Variants in SLC39A11 observed in about 807,000 individuals in gnomAD.
The protein encoded by SLC39A11 is zinc transporter ZIP11.
Under a neutral mutation model 36.1 loss-of-function variants are expected in SLC39A11, and 33 were observed. The observed-to-expected ratio is 0.91, with a 90% CI of 0.69 to 1.22. The LOEUF (loss-of-function observed/expected upper bound fraction) is 1.22. Among genes scored for constraint, SLC39A11 ranks in the 50% most tolerant of loss-of-function variants. The pLI is 0.00. For missense variants in SLC39A11, 432 were observed against 430.3 expected (o/e 1.00, Z -0.03); for synonymous variants, 166 against 170.3 (o/e 0.97, Z 0.20).
chr17:73,024,603 C>G (rs1050736600), intron 4 of SLC39A11, among the ~76,000 whole-genome samples: 1 of 152,146 alleles, frequency 6.6e-6, no homozygotes, highest in South Asian at 2.1e-4. Context: ...GGGAGGAAAA[C>G]TGCCTCTTGG....
intron 3 of SLC39A11, chr17:73,068,436 G>A (rs962997366): frequency 2.5e-6 from 1 of 396,952 alleles, no homozygotes; most frequent in East Asian, 4.2e-5. Context: ...CTAGCTGTAG[G>A]TGTCTGGTTG....
intron 7 of SLC39A11, among the ~76,000 whole-genome samples, chr17:72,676,263 G>A (rs538170640): frequency 6.6e-4 from 100 of 152,236 alleles, no homozygotes; most frequent in African/African-American, 2.4e-3. Flanking sequence ...TGGAAACCTA[G>A]ACACTGCGGG....
At chr17:72,779,127 C>G (rs1374495938) in intron 6 of SLC39A11, among the ~76,000 whole-genome samples, 1 of 152,172 alleles carries the variant, frequency 6.6e-6, no homozygotes, top group Non-Finnish European at 1.5e-5. Flanking sequence ...TGTGTTTTCT[C>G]CAGTTGGCAG....
At chr17:72,835,345 T>C (rs1017469013) in intron 6 of SLC39A11, among the ~76,000 whole-genome samples, 3 of 152,206 alleles carry the variant, frequency 2.0e-5, no homozygotes, top group African/African-American at 7.2e-5. Context: ...CAGACAATTT[T>C]TGAGGATCAA....
intron 6 of SLC39A11, among the ~76,000 whole-genome samples, chr17:72,770,080 T>G (rs1338279217): frequency 6.6e-6 from 1 of 152,222 alleles, no homozygotes; most frequent in East Asian, 1.9e-4. Context: ...GCACATGTCA[T>G]CAGGACTTCC....
Position 72,894,417 on chromosome 17 carries a change from C to A in SLC39A11, c.431-44613G>T, listed in dbSNP as rs140174757. Among the ~76,000 whole-genome samples, 938 of 137,928 alleles carry A rather than the reference C, an allele frequency of 6.8e-3. 6 individuals are homozygous for A. Among genetic ancestry groups the A allele is most frequent in the African/African-American group, 0.024 (881 of 36,270 alleles). The allele number at this position is 137,928 out of a possible 152,430, so 90.5% of individuals were successfully genotyped here. ...AGGGACGGTGACTCATGCCTGTAATCGCAGCACTTTGGGAGGCTGAGGTGG... is the reference window on the plus strand; with the variant it reads ...AGGGACGGTGACTCATGCCTGTAATAGCAGCACTTTGGGAGGCTGAGGTGG... On this transcript the variant is annotated intron_variant, in intron 5 of 9. Transcript: ENST00000255559.
intron 5 of SLC39A11, among the ~76,000 whole-genome samples, chr17:72,861,515 C>T (rs1224847224): frequency 1.3e-5 from 2 of 151,284 alleles, no homozygotes; most frequent in Non-Finnish European, 2.9e-5. Flanking sequence ...TAAAGTAGGT[C>T]GCTAGCATCC....
At chr17:72,859,445 C>G (rs1325826482) in intron 5 of SLC39A11, among the ~76,000 whole-genome samples, 1 of 152,086 alleles carries the variant, frequency 6.6e-6, no homozygotes, top group African/African-American at 2.4e-5. Flanking sequence ...TTTGAACTGA[C>G]AACTCTACTT....
intron 7 of SLC39A11, among the ~76,000 whole-genome samples, chr17:72,732,625 C>T (rs1484065555): frequency 6.6e-6 from 1 of 152,160 alleles, no homozygotes; most frequent in Non-Finnish European, 1.5e-5. Context: ...TCCTGCGCAG[C>T]GGCATGTTTC....
At chr17:72,848,713 T>C (rs2079161023) in intron 6 of SLC39A11, among the ~76,000 whole-genome samples, 1 of 125,034 alleles carries the variant, frequency 8.0e-6, no homozygotes, top group Non-Finnish European at 1.8e-5. Flanking sequence ...AGAGCAAGAC[T>C]CTGTCTTAAA....
intron 4 of SLC39A11, 70 bp from the exon 5 acceptor site, chr17:72,947,945 C>A (rs2085540209): frequency 3.2e-6 from 5 of 1,582,768 alleles, no homozygotes; most frequent in African/African-American, 1.3e-5. Flanking sequence ...TTCTGGCTCA[C>A]GGGCGCCAAG....
chr17:72,954,020 G>C (rs1240785807), intron 4 of SLC39A11, among the ~76,000 whole-genome samples: 1 of 152,318 alleles, frequency 6.6e-6, no homozygotes, highest in Admixed American at 6.5e-5. Flanking sequence ...GGCCCATGAA[G>C]GGCAGTCTCT....
At chr17:72,927,241 A>T (rs1391004642) in intron 5 of SLC39A11, among the ~76,000 whole-genome samples, 3 of 50,300 alleles carry the variant, frequency 6.0e-5, no homozygotes, top group Admixed American at 2.3e-4. Context: ...GGTAGAGATA[A>T]AAAAAAAATG....
At chr17:72,716,569 GA>G (rs11377152) in intron 7 of SLC39A11, among the ~76,000 whole-genome samples, 11 of 148,240 alleles carry the variant, frequency 7.4e-5, no homozygotes, top group South Asian at 2.1e-4. Flanking sequence ...AGAGTATAAG[GA>G]AAAAAAAAAT....
intron 4 of SLC39A11, among the ~76,000 whole-genome samples, chr17:72,959,454 G>A (rs1379308461): frequency 6.6e-6 from 1 of 150,516 alleles, no homozygotes; most frequent in Non-Finnish European, 1.5e-5. Context: ...TATTCTAAGT[G>A]AAGTAACTCA....
chr17:72,759,979 G>A (rs1027652686), intron 6 of SLC39A11, among the ~76,000 whole-genome samples: 2 of 152,108 alleles, frequency 1.3e-5, no homozygotes, highest in Non-Finnish European at 2.9e-5. Context: ...TTAGGTCATG[G>A]AATCTTGTTT....
intron 6 of SLC39A11, among the ~76,000 whole-genome samples, chr17:72,826,712 C>G (rs1452313255): frequency 6.6e-6 from 1 of 152,110 alleles, no homozygotes; most frequent in Non-Finnish European, 1.5e-5. Flanking sequence ...ATTGTGGACA[C>G]TTAACTTACA....
intron 5 of SLC39A11, among the ~76,000 whole-genome samples, chr17:72,942,747 T>C (rs965627174): frequency 1.3e-5 from 2 of 152,218 alleles, no homozygotes; most frequent in Non-Finnish European, 2.9e-5. Context: ...GAGTGGAATG[T>C]ACGTGGCTGA....
intron 6 of SLC39A11, among the ~76,000 whole-genome samples, chr17:72,835,409 G>A (rs1034962683): frequency 8.5e-5 from 13 of 152,160 alleles, no homozygotes; most frequent in Non-Finnish European, 1.9e-4. Flanking sequence ...AAGAGGAGGA[G>A]GTGGAGGGGA....
Sources: allele counts gnomAD v4.1 joint callset (sites outside exome capture counted in the v4.1 genomes callset), GRCh38; gene constraint gnomAD v4.1.1; transcripts MANE v1.5; gene names NCBI Gene and HGNC (gene_info 2026-07-23, HGNC 2026-07-21).